Variants in IFIT1B observed in about 807,000 individuals in gnomAD.
IFIT1B encodes the protein protein IFIT1 homolog B.
IFIT1B carries 3 observed loss-of-function variants against 2.5 expected under a neutral mutation model. The observed-to-expected ratio is 1.21, with a 90% CI of 0.55 to 3.14. The LOEUF is 3.14. IFIT1B is among the 30% of genes most tolerant of loss of function. The pLI is 0.03. For missense variants in IFIT1B, 545 were observed against 556.5 expected, an observed-to-expected ratio of 0.98 and a Z score of 0.21; for synonymous variants, 196 against 203.0, an observed-to-expected ratio of 0.97 and a Z score of 0.29.
At position 89,378,100 on chromosome 10, in the gene IFIT1B, A is replaced by G. The variant is rs753024106; in HGVS notation, c.-36A>G. On this transcript the variant is annotated 5_prime_UTR_variant, in exon 1 of 2. Transcript: ENST00000371809. Reference sequence around the variant, plus strand: ...TTGAAGGAGCCTCCAAGCCTGAACCAAAGCACTACAGATCACCTGCTATCT... The same window carrying G: ...TTGAAGGAGCCTCCAAGCCTGAACCGAAGCACTACAGATCACCTGCTATCT... 15 of 1,613,278 alleles carry G rather than the reference A, an allele frequency of 9.3e-6. No homozygotes were observed. The highest frequency in any genetic ancestry group is 1.3e-5 in the African/African-American group (1 of 74,896).
chr10:89,384,129 G>A lies in IFIT1B; in HGVS notation c.816G>A (p.Glu272=), dbSNP rs1698579189. The A allele has an allele frequency of 1.2e-6, 2 of 1,614,144 alleles. No homozygotes were observed. The highest frequency in any genetic ancestry group is 1.7e-5 in the Admixed American group (1 of 60,024). Residue 272 remains glutamate, a synonymous_variant, in exon 2 of 2, where the codon GAG becomes GAA. Coordinates refer to ENST00000371809, the MANE Select transcript of IFIT1B (RefSeq NM_001010987.2). ...RRKGSVDKAL[E]LLKMALETTP... is the part of the protein sequence containing the mutation. ...AAGGGTCTGTGGATAAAGCTCTTGA[G>A]CTCTTAAAAATGGCCTTGGAGACAA...
chr10:89,379,443 G>T (rs1377397439), intron 1 of IFIT1B, among the ~76,000 whole-genome samples: 1 of 152,074 alleles, frequency 6.6e-6, no homozygotes, highest in Non-Finnish European at 1.5e-5. Flanking sequence ...TGTAGGCATT[G>T]TGATATGTTT....
At position 89,384,512 on chromosome 10, in the gene IFIT1B, C is replaced by A; in HGVS notation, c.1199C>A (p.Thr400Asn). Residue 400 changes from threonine to asparagine, a missense_variant, in exon 2 of 2, where the codon ACC becomes AAC. By Grantham distance (65) the Thr-to-Asn change is moderately conservative. Coordinates refer to ENST00000371809, the MANE Select transcript of IFIT1B (RefSeq NM_001010987.2). ...GGGAAATCTCAAGATAAAGCAATTACCCATTATTTAAAAGGTTTGAAAATA... is the reference window on the plus strand; with the variant it reads ...GGGAAATCTCAAGATAAAGCAATTAACCATTATTTAAAAGGTTTGAAAATA... ...HHGKSQDKAI[T>N]HYLKGLKIEK... 1.2e-6 allele frequency: 2 copies of A among 1,613,874 alleles called. No individual in the cohort carries two copies. Among genetic ancestry groups the A allele is most frequent in the Non-Finnish European group, 1.7e-6 (2 of 1,179,780 alleles).
Position 89,384,544 on chromosome 10 carries a change from A to G in IFIT1B, c.1231A>G (p.Met411Val), listed in dbSNP as rs1401211213. 1 of 1,614,184 alleles carries G rather than the reference A, an allele frequency of 6.2e-7. No homozygotes were observed. The highest frequency in any genetic ancestry group is 1.7e-5 in the Admixed American group (1 of 60,024). The change falls in exon 2 of 2, where the codon ATG (methionine) becomes GTG (valine). Residue 411 changes from methionine (M) to valine (V), a missense_variant. Met to Val is a conservative substitution (Grantham distance 21, BLOSUM62 1). Coordinates refer to ENST00000371809, the MANE Select transcript of IFIT1B (RefSeq NM_001010987.2). The stretch of plus-strand genomic sequence containing the variant: ...TTTAAAAGGTTTGAAAATAGAAAAA[A>G]TGTCCCATTCCAGGGAAAAACTTCT... ...HYLKGLKIEKMSHSREKLLNA... is the reference protein window; with the variant it reads ...HYLKGLKIEKVSHSREKLLNA...
intron 1 of IFIT1B, 97 bp from the exon 2 acceptor site, chr10:89,383,222 T>C: frequency 1.9e-6 from 2 of 1,068,670 alleles, no homozygotes; most frequent in Non-Finnish European, 2.7e-6. Context: ...GCAGGGAAAT[T>C]AGGATAGAGC....
Position 89,384,205 on chromosome 10 carries a change from C to T in IFIT1B, c.892C>T (p.Gln298Ter), listed in dbSNP as rs776167043. Residue 298 changes from glutamine to a stop codon, truncating the protein, a stop_gained, in exon 2 of 2, where the codon CAA becomes TAA. Transcript: ENST00000371809. LOFTEE classifies it low-confidence loss of function (END_TRUNC). ...CCAAATGGGGCTTTGCTACAGGGCA[C>T]AAATGATCCAAATCAAGGAAGCTAC... Reference protein sequence around the residue: ...HHQMGLCYRAQMIQIKEATNW... With the variant: ...HHQMGLCYRA The T allele has an allele frequency of 1.2e-6, 2 of 1,614,116 alleles. No individual in the cohort carries two copies. Among genetic ancestry groups the T allele is most frequent in the Middle Eastern group, 1.6e-4 (1 of 6,062 alleles).
Position 89,384,429 on chromosome 10 carries a change from T to G in IFIT1B, c.1116T>G (p.Phe372Leu). ...HFQKGLRMKI[F>L]EDQLKQEIHY... ...AGAAAGGGTTACGCATGAAGATCTT[T>G]GAAGATCAGCTAAAGCAAGAGATTC... Residue 372 changes from phenylalanine (F) to leucine (L), a missense_variant, in exon 2 of 2, where the codon TTT becomes TTG. Physicochemically the swap from Phe to Leu is conservative, Grantham distance 22. Coordinates refer to ENST00000371809, the MANE Select transcript of IFIT1B (RefSeq NM_001010987.2). 1 of 1,614,190 alleles carries G rather than the reference T, an allele frequency of 6.2e-7. No homozygotes were observed. Among genetic ancestry groups the G allele is most frequent in the Non-Finnish European group, 8.5e-7 (1 of 1,180,046 alleles).
intron 1 of IFIT1B, among the ~76,000 whole-genome samples, chr10:89,379,483 C>T (rs1049872733): frequency 6.6e-6 from 1 of 151,530 alleles, no homozygotes; most frequent in African/African-American, 2.4e-5. Flanking sequence ...TCTTTTTTTC[C>T]TGGTGTAGTT....
rs139930446 is a variant in IFIT1B at position 89,383,494 on chromosome 10, G to T, written c.181G>T (p.Val61Leu). 13 of 1,614,114 alleles carry T rather than the reference G, an allele frequency of 8.1e-6. No homozygotes were observed. The African/African-American group carries it at 1.7e-4, about 22-fold the overall frequency. ...GGGAATACACAACCTACTAGCCTAT[G>T]TGAAACACCTGAAAGGCCAGAATGA... is the stretch of plus-strand genomic sequence containing the variant. Reference protein sequence around the residue: ...NVGIHNLLAYVKHLKGQNEEA... With the variant: ...NVGIHNLLAYLKHLKGQNEEA... The change falls in exon 2 of 2, where the codon GTG (valine) becomes TTG (leucine). Residue 61 changes from valine to leucine, a missense_variant. Val to Leu is a conservative substitution (Grantham distance 32, BLOSUM62 1). Transcript: ENST00000371809.
chr10:89,383,970 T>G lies in IFIT1B; in HGVS notation c.657T>G (p.Ile219Met). 1 of 1,614,164 alleles carries G rather than the reference T, an allele frequency of 6.2e-7. No homozygotes were observed. The change falls in exon 2 of 2, where the codon ATT becomes ATG. Residue 219 changes from isoleucine (I) to methionine (M), a missense_variant. By Grantham distance (10) the Ile-to-Met change is conservative. Transcript: ENST00000371809. Reference protein sequence around the residue: ...AVRLNPDDVYIRVLLALKLQD... With the variant: ...AVRLNPDDVYMRVLLALKLQD... Reference sequence around the variant, plus strand: ...GGCTAAATCCAGATGATGTATATATTAGGGTTCTCCTTGCCCTGAAGCTTC... The same window carrying G: ...GGCTAAATCCAGATGATGTATATATGAGGGTTCTCCTTGCCCTGAAGCTTC...
chr10:89,384,457 T>TACC lies in IFIT1B; in HGVS notation c.1147_1149dup (p.His383dup), dbSNP rs1844189271. 6.2e-7 allele frequency: 1 copy of TACC among 1,614,202 alleles called. No homozygotes were observed. The highest frequency in any genetic ancestry group is 1.3e-5 in the African/African-American group (1 of 75,050). ...AGATCAGCTAAAGCAAGAGATTCATTACCACTACGGCCGTTTCCAAGAACA... is the reference window on the plus strand; with the variant it reads ...AGATCAGCTAAAGCAAGAGATTCATTACCACCACTACGGCCGTTTCCAAGAACA... On this transcript the variant is annotated inframe_insertion, in exon 2 of 2. Coordinates refer to ENST00000371809, the MANE Select transcript of IFIT1B (RefSeq NM_001010987.2).
In IFIT1B at chr10:89,383,461, T is replaced by C. The variant is rs1589628031; in HGVS notation, c.148T>C (p.Tyr50His). The C allele has an allele frequency of 6.2e-7, 1 of 1,614,062 alleles. No homozygotes were observed. Among genetic ancestry groups the C allele is most frequent in the African/African-American group, 1.3e-5 (1 of 74,924 alleles). Residue 50 changes from tyrosine to histidine, a missense_variant, in exon 2 of 2, where the codon TAC (tyrosine) becomes CAC (histidine). Physicochemically the swap from Tyr to His is moderately conservative, Grantham distance 83. Coordinates refer to ENST00000371809, the MANE Select transcript of IFIT1B (RefSeq NM_001010987.2). ...AGAGATTCAGTTCCTGGACACCAAA[T>C]ACAATGTGGGAATACACAACCTACT... Reference protein sequence around the residue: ...WEEIQFLDTKYNVGIHNLLAY... With the variant: ...WEEIQFLDTKHNVGIHNLLAY...
At chr10:89,380,262 G>A (rs1844153471) in intron 1 of IFIT1B, among the ~76,000 whole-genome samples, 1 of 152,114 alleles carries the variant, frequency 6.6e-6, no homozygotes, top group South Asian at 2.1e-4. Flanking sequence ...CACTGGTTCA[G>A]GGACAGAGGA....
intron 1 of IFIT1B, among the ~76,000 whole-genome samples, chr10:89,381,900 C>A (rs1844166166): frequency 6.6e-6 from 1 of 152,022 alleles, no homozygotes; most frequent in African/African-American, 2.4e-5. Flanking sequence ...ATTCTTGTGC[C>A]TCAGCCTCCA....
chr10:89,380,263 G>C (rs1013835767), intron 1 of IFIT1B, among the ~76,000 whole-genome samples: 3 of 152,034 alleles, frequency 2.0e-5, no homozygotes, highest in African/African-American at 7.2e-5. Flanking sequence ...ACTGGTTCAG[G>C]GACAGAGGAG....
Position 89,384,882 on chromosome 10 carries a change from G to C in IFIT1B, c.*144G>C. 1 of 649,534 alleles carries C rather than the reference G, an allele frequency of 1.5e-6. No individual in the cohort carries two copies. The highest frequency in any genetic ancestry group is 2.7e-5 in the East Asian group (1 of 36,444). 40.2% of individuals were successfully genotyped at this position (649,534 alleles called of 1,614,324 possible). On this transcript the variant is annotated 3_prime_UTR_variant, in exon 2 of 2. Coordinates refer to ENST00000371809, the MANE Select transcript of IFIT1B (RefSeq NM_001010987.2). The stretch of plus-strand genomic sequence containing the variant: ...GTGGCTGTGTGGCCTGAGTTATGTA[G>C]CATGCAACTGCAACTTCTGCTTTTT...
chr10:89,382,021 C>CG, intron 1 of IFIT1B, among the ~76,000 whole-genome samples: 1 of 152,212 alleles, frequency 6.6e-6, no homozygotes, highest in East Asian at 1.9e-4. Flanking sequence ...CTGCCTACCT[C>CG]GGCCTCCCAA....
chr10:89,378,699 G>C (rs183011807), intron 1 of IFIT1B, among the ~76,000 whole-genome samples: 5 of 152,332 alleles, frequency 3.3e-5, no homozygotes, highest in African/African-American at 9.6e-5. Flanking sequence ...TCCAAGCACA[G>C]AGCATGGTGA....
At position 89,378,106 on chromosome 10, in the gene IFIT1B, C is replaced by T. The variant is rs756495397; in HGVS notation, c.-30C>T. ...GAGCCTCCAAGCCTGAACCAAAGCA[C>T]TACAGATCACCTGCTATCTTCATAG... On this transcript the variant is annotated 5_prime_UTR_variant, in exon 1 of 2. Transcript: ENST00000371809. 3 of 1,613,620 alleles carry T rather than the reference C, an allele frequency of 1.9e-6. No homozygotes were observed. The highest frequency in any genetic ancestry group is 2.5e-6 in the Non-Finnish European group (3 of 1,179,646).
Sources: allele counts gnomAD v4.1 joint callset (sites outside exome capture counted in the v4.1 genomes callset), GRCh38; gene constraint gnomAD v4.1.1; transcripts MANE v1.5; gene names NCBI Gene and HGNC (gene_info 2026-07-23, HGNC 2026-07-21).